ARHGAP42: variants seen among roughly 807,000 people sequenced by gnomAD.
ARHGAP42 encodes rho GTPase-activating protein 42.
Under a neutral mutation model 125.0 loss-of-function variants are expected in ARHGAP42, and 63 were observed. That is an observed-to-expected ratio of 0.50 (90% confidence interval 0.41 to 0.62). ARHGAP42 has a LOEUF of 0.62. Among genes scored for constraint, ARHGAP42 ranks in the 20% least tolerant of loss-of-function variants. The pLI is 0.00. For missense variants in ARHGAP42, 766 were observed against 1,024.2 expected (o/e 0.75, Z 3.44); for synonymous variants, 339 against 351.0 (o/e 0.97, Z 0.38).
At position 100,985,898 on chromosome 11, in the gene ARHGAP42, T is replaced by C. The variant is rs147677757; in HGVS notation, c.2457-1615T>C. 2.5e-3 allele frequency among the ~76,000 whole-genome samples: 374 copies of C among 152,318 alleles called. 9 individuals are homozygous for C. Among genetic ancestry groups the C allele is most frequent in the Admixed American group, 0.023 (346 of 15,294 alleles). On this transcript the variant is annotated intron_variant, in intron 22 of 23. Transcript: ENST00000298815. ...GAGCTCCAACAGGGAAATGAAATTA[T>C]AATGTAATGCTGCTGCTTTGGGAGA... is the stretch of plus-strand genomic sequence containing the variant.
At chr11:100,899,734 G>GTTTTTTTT (rs1439404512) in intron 4 of ARHGAP42, among the ~76,000 whole-genome samples, 2 of 63,784 alleles carry the variant, frequency 3.1e-5, no homozygotes, top group Non-Finnish European at 6.1e-5. Flanking sequence ...TTTTTTTTTT[G>GTTTTTTTT]TTTTTTTTTG....
At chr11:100,827,161 C>T (rs1406947229) in intron 3 of ARHGAP42, among the ~76,000 whole-genome samples, 1 of 152,072 alleles carries the variant, frequency 6.6e-6, no homozygotes, top group Non-Finnish European at 1.5e-5. Flanking sequence ...TGCCACCACG[C>T]CCAACTAATT....
intron 1 of ARHGAP42, among the ~76,000 whole-genome samples, chr11:100,690,150 G>A (rs1315118201): frequency 6.6e-6 from 1 of 152,102 alleles, no homozygotes; most frequent in East Asian, 1.9e-4. Flanking sequence ...CCCCCAGTCT[G>A]TCTTTTCTGT....
At chr11:100,753,758 T>C (rs769834649) in intron 1 of ARHGAP42, among the ~76,000 whole-genome samples, 1 of 152,180 alleles carries the variant, frequency 6.6e-6, no homozygotes, top group Non-Finnish European at 1.5e-5. Flanking sequence ...CCACACTGGA[T>C]AGGATTAAGG....
intron 4 of ARHGAP42, among the ~76,000 whole-genome samples, chr11:100,878,922 A>C (rs964262377): frequency 6.6e-6 from 1 of 151,810 alleles, no homozygotes; most frequent in African/African-American, 2.4e-5. Flanking sequence ...AAATTCTAGA[A>C]GATAACATCA....
intron 7 of ARHGAP42, among the ~76,000 whole-genome samples, chr11:100,934,629 T>A (rs191226663): frequency 6.6e-6 from 1 of 152,308 alleles, no homozygotes; most frequent in African/African-American, 2.4e-5. Flanking sequence ...AATAATGATG[T>A]CTTAATTGTT....
rs12577759 is a variant in ARHGAP42 at position 100,899,679 on chromosome 11, G to T, written c.385-13773G>T. On this transcript the variant is annotated intron_variant, in intron 4 of 23. Coordinates refer to ENST00000298815, the MANE Select transcript of ARHGAP42 (RefSeq NM_152432.4). ...GGATTGTAGTCCCTGCTTTTTGTTT[G>T]TTTGTTTGTTTGTTTTGTTTTTTTT... 2.0e-4 allele frequency among the ~76,000 whole-genome samples: 14 copies of T among 69,728 alleles called. No individual in the cohort carries two copies. The East Asian group carries it at 0.068, about 340-fold the overall frequency. The allele number at this position is 69,728 out of a possible 152,430, so 45.7% of individuals were successfully genotyped here.
At chr11:100,719,670 G>A (rs775567023) in intron 1 of ARHGAP42, among the ~76,000 whole-genome samples, 1 of 152,142 alleles carries the variant, frequency 6.6e-6, no homozygotes, top group Non-Finnish European at 1.5e-5. Context: ...TTTATTGTGT[G>A]TGTGTGTGTT....
intron 3 of ARHGAP42, among the ~76,000 whole-genome samples, chr11:100,808,123 T>C (rs549388850): frequency 6.6e-6 from 1 of 152,208 alleles, no homozygotes; most frequent in Non-Finnish European, 1.5e-5. Context: ...ATAAAAGATA[T>C]CCTGAAGGGA....
chr11:100,889,015 T>C (rs2135188674), intron 4 of ARHGAP42, among the ~76,000 whole-genome samples: 1 of 152,326 alleles, frequency 6.6e-6, no homozygotes, highest in South Asian at 2.1e-4. Context: ...GTACTTCACA[T>C]TGTAGATATT....
At chr11:100,905,049 G>A (rs1866683485) in intron 4 of ARHGAP42, among the ~76,000 whole-genome samples, 1 of 152,114 alleles carries the variant, frequency 6.6e-6, no homozygotes, top group Non-Finnish European at 1.5e-5. Context: ...CATACCCTTA[G>A]GAAACTTTCT....
intron 19 of ARHGAP42, 126 bp from the exon 20 acceptor site, chr11:100,975,931 C>G: frequency 8.4e-6 from 9 of 1,071,784 alleles, no homozygotes; most frequent in South Asian, 2.0e-5. Context: ...AGGTAGGGGC[C>G]TACCACTTTA....
intron 4 of ARHGAP42, among the ~76,000 whole-genome samples, chr11:100,889,060 C>T (rs1283355844): frequency 6.6e-6 from 1 of 152,202 alleles, no homozygotes; most frequent in East Asian, 1.9e-4. Context: ...TTAAACTTAA[C>T]ATCCTTGGAA....
chr11:100,718,255 C>A (rs1455752509), intron 1 of ARHGAP42, among the ~76,000 whole-genome samples: 1 of 152,162 alleles, frequency 6.6e-6, no homozygotes, highest in Non-Finnish European at 1.5e-5. Context: ...TGAGGCCCTT[C>A]AAGGTAGAAC....
intron 18 of ARHGAP42, 81 bp from the exon 19 acceptor site, chr11:100,974,378 C>T (rs1218349531): frequency 7.6e-7 from 1 of 1,316,540 alleles, no homozygotes; most frequent in Non-Finnish European, 1.0e-6. Flanking sequence ...GATTAAGTAG[C>T]ATATGGTTCA....
At chr11:100,801,252 A>C (rs1863845202) in intron 3 of ARHGAP42, among the ~76,000 whole-genome samples, 1 of 152,158 alleles carries the variant, frequency 6.6e-6, no homozygotes, top group Non-Finnish European at 1.5e-5. Flanking sequence ...TTATTTGGGG[A>C]GAAGAATATT....
chr11:100,732,884 T>C (rs1488010017), intron 1 of ARHGAP42, among the ~76,000 whole-genome samples: 1 of 152,156 alleles, frequency 6.6e-6, no homozygotes. Context: ...ATACTTTTTA[T>C]ACTAATTATT....
chr11:100,849,723 T>C (rs1865158601), intron 3 of ARHGAP42, among the ~76,000 whole-genome samples: 1 of 152,158 alleles, frequency 6.6e-6, no homozygotes, highest in Non-Finnish European at 1.5e-5. Context: ...AAACAGACAC[T>C]AAGGGGCTAG....
rs755660357 is a variant in ARHGAP42 at position 100,992,536 on chromosome 11, C to G, written c.*3735C>G. 8 of 1,613,928 alleles carry G rather than the reference C, an allele frequency of 5.0e-6. No individual in the cohort carries two copies. In the African/African-American group the frequency reaches 1.1e-4, roughly 22 times the overall value. On this transcript the variant is annotated 3_prime_UTR_variant, in exon 24 of 24. Coordinates refer to ENST00000298815, the MANE Select transcript of ARHGAP42 (RefSeq NM_152432.4). ...GTTTTCTGAACATTCTGTGTCCTGC[C>G]TGTCTCCTGTTGATTCGCAGATGTA... is the stretch of plus-strand genomic sequence containing the variant.
Sources: allele counts gnomAD v4.1 joint callset (sites outside exome capture counted in the v4.1 genomes callset), GRCh38; gene constraint gnomAD v4.1.1; transcripts MANE v1.5; gene names NCBI Gene and HGNC (gene_info 2026-07-23, HGNC 2026-07-21).